The following SIAH3 variants were observed in gnomAD, a reference collection of about 807,000 sequenced individuals.
SIAH3 encodes siah E3 ubiquitin protein ligase family member 3.
SIAH3 carries 9 observed loss-of-function variants against 12.6 expected under a neutral mutation model. That is an observed-to-expected ratio of 0.72 (90% confidence interval 0.43 to 1.25). SIAH3 has a LOEUF of 1.25. SIAH3 is among the 50% of genes most tolerant of loss of function. The pLI is 0.00. For missense variants in SIAH3, 390 were observed against 365.4 expected (o/e 1.07, Z -0.55); for synonymous variants, 154 against 151.1 (o/e 1.02, Z -0.14).
At chr13:45,847,622 C>CGTGTGTGT (rs112078778) in intron 1 of SIAH3, among the ~76,000 whole-genome samples, 9,777 of 146,878 alleles carry the variant, frequency 0.067, 537 homozygotes, top group East Asian at 0.29. Context: ...TCCATGTGTT[C>CGTGTGTGT]GTGTGTGTGT....
At chr13:45,826,777 G>A (rs1950679461) in intron 1 of SIAH3, among the ~76,000 whole-genome samples, 1 of 152,112 alleles carries the variant, frequency 6.6e-6, no homozygotes, top group African/African-American at 2.4e-5. Flanking sequence ...TGAGTTGTGG[G>A]TTCCCTAAAA....
intron 1 of SIAH3, among the ~76,000 whole-genome samples, chr13:45,820,242 C>A (rs1317407831): frequency 6.6e-6 from 1 of 152,164 alleles, no homozygotes; most frequent in South Asian, 2.1e-4. Flanking sequence ...CACGAGCGAA[C>A]CCCTAAGCCA....
chr13:45,831,291 A>C (rs1950698320), intron 1 of SIAH3, among the ~76,000 whole-genome samples: 1 of 152,300 alleles, frequency 6.6e-6, no homozygotes, highest in African/African-American at 2.4e-5. Flanking sequence ...AGGTATGATC[A>C]GTGACAAGGG....
At chr13:45,785,043 A>T (rs191835638) in intron 1 of SIAH3, among the ~76,000 whole-genome samples, 3 of 152,346 alleles carry the variant, frequency 2.0e-5, no homozygotes, top group East Asian at 3.9e-4. Flanking sequence ...AGTTGAAGAA[A>T]CAGGCTTCAG....
At chr13:45,834,013 A>G (rs2137578677) in intron 1 of SIAH3, among the ~76,000 whole-genome samples, 1 of 152,174 alleles carries the variant, frequency 6.6e-6, no homozygotes. Flanking sequence ...AAAAGAAAAA[A>G]AAAAAAAGAA....
At chr13:45,825,434 A>G (rs1184780164) in intron 1 of SIAH3, among the ~76,000 whole-genome samples, 1 of 151,748 alleles carries the variant, frequency 6.6e-6, no homozygotes, top group African/African-American at 2.4e-5. Context: ...CTCACACCAC[A>G]CTCTTCCCCA....
chr13:45,849,684 C>T (rs572299598), intron 1 of SIAH3, among the ~76,000 whole-genome samples: 1 of 152,274 alleles, frequency 6.6e-6, no homozygotes, highest in Admixed American at 6.5e-5. Flanking sequence ...TGTCAAAATC[C>T]AGGCAGACAT....
At chr13:45,792,621 G>A (rs1950549725) in intron 1 of SIAH3, among the ~76,000 whole-genome samples, 1 of 146,148 alleles carries the variant, frequency 6.8e-6, no homozygotes. Context: ...GCCTCCTAAA[G>A]TGCTATGATT....
rs1950493574 is a variant in SIAH3, at chr13:45,778,855, G to A, written c.*4528C>T. 1 of 152,260 alleles carries A rather than the reference G, an allele frequency of 6.6e-6. No individual in the cohort carries two copies. The highest frequency in any genetic ancestry group is 2.4e-5 in the African/African-American group (1 of 41,542). The allele number at this position is 152,260 out of a possible 1,614,324, so 9.4% of individuals were successfully genotyped here. A position where few individuals can be genotyped will look rare whatever the true frequency, so the allele number is the denominator to read the frequency against. On this transcript the variant is annotated 3_prime_UTR_variant, in exon 2 of 2. Coordinates refer to ENST00000400405, the MANE Select transcript of SIAH3 (RefSeq NM_198849.3). ...ACTCTAGAGATTATTTAAAGTATAT[G>A]GGAGGATTGCGTAGGTTATATACAA...
chr13:45,845,269 T>TG (rs35354791), intron 1 of SIAH3, among the ~76,000 whole-genome samples: 91,963 of 151,276 alleles, frequency 0.61, 29,888 homozygotes, highest in African/African-American at 0.81. Flanking sequence ...TGTGCGTGTG[T>TG]TAAAAACGCT....
intron 1 of SIAH3, among the ~76,000 whole-genome samples, chr13:45,792,067 C>G (rs1466644708): frequency 1.3e-5 from 2 of 152,232 alleles, no homozygotes; most frequent in Non-Finnish European, 2.9e-5. Context: ...AGACCACACT[C>G]TGCATAAGTG....
chr13:45,845,614 A>G (rs373057161), intron 1 of SIAH3, among the ~76,000 whole-genome samples: 4 of 152,222 alleles, frequency 2.6e-5, no homozygotes, highest in African/African-American at 9.6e-5. Flanking sequence ...AAAAATATGT[A>G]TGTTACTATT....
At chr13:45,843,726 A>G (rs1422797297) in intron 1 of SIAH3, among the ~76,000 whole-genome samples, 1 of 152,190 alleles carries the variant, frequency 6.6e-6, no homozygotes, top group Non-Finnish European at 1.5e-5. Context: ...CTCACAAAAT[A>G]CCAAGAAACA....
chr13:45,815,016 C>A (rs960400300), intron 1 of SIAH3, among the ~76,000 whole-genome samples: 13 of 152,136 alleles, frequency 8.5e-5, no homozygotes, highest in Admixed American at 5.9e-4. Flanking sequence ...AGCCACCATG[C>A]CCGGCCTGCC....
In SIAH3 at chr13:45,779,529, G is replaced by T. The variant is rs953692514; in HGVS notation, c.*3854C>A. On this transcript the variant is annotated 3_prime_UTR_variant, in exon 2 of 2. Coordinates refer to ENST00000400405, the MANE Select transcript of SIAH3 (RefSeq NM_198849.3). ...TCCATATGTTCATAGAAATGACATGGTTGCTGTTGGTCAGAAGCCATACGT... is the reference window on the plus strand; with the variant it reads ...TCCATATGTTCATAGAAATGACATGTTTGCTGTTGGTCAGAAGCCATACGT... 1 of 152,174 alleles carries T rather than the reference G, an allele frequency of 6.6e-6. No homozygotes were observed. The highest frequency in any genetic ancestry group is 2.4e-5 in the African/African-American group (1 of 41,426). 9.4% of individuals were successfully genotyped at this position (152,174 alleles called of 1,614,324 possible).
chr13:45,850,250 T>G (rs1414737219), intron 1 of SIAH3, among the ~76,000 whole-genome samples: 1 of 151,994 alleles, frequency 6.6e-6, no homozygotes, highest in African/African-American at 2.4e-5. Flanking sequence ...CAGGCAGCTG[T>G]CTTTCGGCGG....
At chr13:45,791,427 T>A (rs966731199) in intron 1 of SIAH3, among the ~76,000 whole-genome samples, 14 of 152,318 alleles carry the variant, frequency 9.2e-5, no homozygotes, top group African/African-American at 3.4e-4. Flanking sequence ...TTGGACCACA[T>A]CAATGGAAAG....
chr13:45,843,326 C>A (rs1391210754), intron 1 of SIAH3, among the ~76,000 whole-genome samples: 2 of 152,106 alleles, frequency 1.3e-5, no homozygotes, highest in South Asian at 2.1e-4. Flanking sequence ...TCTGTCTCTA[C>A]CCTGCTGAAT....
intron 1 of SIAH3, among the ~76,000 whole-genome samples, chr13:45,824,011 A>G (rs1280803147): frequency 6.6e-6 from 1 of 152,238 alleles, no homozygotes; most frequent in Non-Finnish European, 1.5e-5. Context: ...TTGGGTTTCT[A>G]GTAAACCCAT....
Sources: allele counts gnomAD v4.1 joint callset (sites outside exome capture counted in the v4.1 genomes callset), GRCh38; gene constraint gnomAD v4.1.1; transcripts MANE v1.5; gene names NCBI Gene and HGNC (gene_info 2026-07-23, HGNC 2026-07-21).